PARD3B: variants seen among roughly 807,000 people sequenced by gnomAD.
The protein encoded by PARD3B is par-3 family cell polarity regulator beta.
A neutral mutation model predicts 130.2 loss-of-function variants in PARD3B; 103 were observed. The observed-to-expected ratio is 0.79, with a 90% CI of 0.67 to 0.93. The LOEUF (loss-of-function observed/expected upper bound fraction) is 0.93. Among genes scored for constraint, PARD3B ranks in the 40% least tolerant of loss-of-function variants. The pLI is 0.00. For missense variants in PARD3B, 1,609 were observed against 1,499.2 expected (o/e 1.07, Z -1.21); for synonymous variants, 583 against 553.2 (o/e 1.05, Z -0.76).
At chr2:204,859,073 CATG>C (rs2045076528) in intron 2 of PARD3B, among the ~76,000 whole-genome samples, 1 of 151,832 alleles carries the variant, frequency 6.6e-6, no homozygotes, top group African/African-American at 2.4e-5. Context: ...AATACTTTTA[CATG>C]ATGTTTATTA....
At chr2:205,171,896 A>G (rs1223118168) in intron 11 of PARD3B, among the ~76,000 whole-genome samples, 2 of 152,224 alleles carry the variant, frequency 1.3e-5, no homozygotes, top group Admixed American at 6.5e-5. Flanking sequence ...CCGCCAGAGC[A>G]AATGGCAGAA....
intron 3 of PARD3B, among the ~76,000 whole-genome samples, chr2:205,009,260 A>G (rs1009529787): frequency 1.3e-5 from 2 of 152,218 alleles, no homozygotes; most frequent in African/African-American, 4.8e-5. Flanking sequence ...TTTGTGAAAA[A>G]TTCCAAGATA....
At chr2:205,119,163 G>A (rs1475643382) in intron 7 of PARD3B, 117 bp downstream of exon 7, 21 of 1,306,088 alleles carry the variant, frequency 1.6e-5, no homozygotes, top group Middle Eastern at 2.5e-4. Flanking sequence ...CCCTTTGAAC[G>A]ATCCAGGATA....
chr2:205,332,964 CTATTTTA>C (rs1362785674), intron 18 of PARD3B, among the ~76,000 whole-genome samples: 2 of 152,092 alleles, frequency 1.3e-5, no homozygotes, highest in African/African-American at 2.4e-5. Flanking sequence ...AGCAGTTTTT[CTATTTTA>C]TTTTTATTTA....
intron 22 of PARD3B, among the ~76,000 whole-genome samples, chr2:205,587,797 T>A (rs534425170): frequency 6.6e-6 from 1 of 152,346 alleles, no homozygotes; most frequent in African/African-American, 2.4e-5. Context: ...GTGAGCTATT[T>A]CGTTTCCTCC....
At position 205,606,322 on chromosome 2, in the gene PARD3B, A is replaced by G. The variant is rs779184618; in HGVS notation, c.3261-9134A>G. 3.9e-5 allele frequency among the ~76,000 whole-genome samples: 6 copies of G among 152,188 alleles called. 1 individual carries two copies. The highest frequency in any genetic ancestry group is 1.3e-4 in the Admixed American group (2 of 15,282). Reference sequence around the variant, plus strand: ...AGCATGGTTTCCCAGATGAAGTAGCACAGTCACTCACTGCCTCCCTTGGCT... The same window carrying G: ...AGCATGGTTTCCCAGATGAAGTAGCGCAGTCACTCACTGCCTCCCTTGGCT... On this transcript the variant is annotated intron_variant, in intron 22 of 22. Transcript: ENST00000406610.
chr2:205,254,991 C>T (rs528170282), intron 16 of PARD3B, among the ~76,000 whole-genome samples: 3 of 152,132 alleles, frequency 2.0e-5, no homozygotes, highest in East Asian at 1.9e-4. Flanking sequence ...ACCAGTTATA[C>T]GAATGCTTCC....
intron 21 of PARD3B, among the ~76,000 whole-genome samples, chr2:205,538,049 C>A (rs1332098437): frequency 6.6e-6 from 1 of 152,080 alleles, no homozygotes; most frequent in Non-Finnish European, 1.5e-5. Flanking sequence ...ATGCTTTATT[C>A]TTTTAATCAT....
chr2:204,820,245 TTA>T (rs1260173414), intron 2 of PARD3B, among the ~76,000 whole-genome samples: 1 of 150,942 alleles, frequency 6.6e-6, no homozygotes, highest in Non-Finnish European at 1.5e-5. Flanking sequence ...CCAATTAATT[TTA>T]TATGTTTTTA....
At chr2:204,992,914 T>G (rs1222496402) in intron 3 of PARD3B, among the ~76,000 whole-genome samples, 1 of 136,904 alleles carries the variant, frequency 7.3e-6, no homozygotes, top group Non-Finnish European at 1.6e-5. Context: ...CCTGTGATTT[T>G]TGTACATTGA....
rs1408171783 is a variant in PARD3B, at chr2:204,545,799, G to T, written c.-201G>T. 3 of 510,392 alleles carry T rather than the reference G, an allele frequency of 5.9e-6. No homozygotes were observed. Among genetic ancestry groups the T allele is most frequent in the East Asian group, 3.7e-5 (1 of 26,974 alleles). 31.6% of individuals were successfully genotyped at this position (510,392 alleles called of 1,614,324 possible). ...TGGGAGGTAACCCCTTTCCGCGGCC[G>T]CCCCTCCCCGATTCCCGCCACCTGC... On this transcript the variant is annotated 5_prime_UTR_variant, in exon 1 of 23. Transcript: ENST00000406610.
chr2:205,286,300 G>A (rs2041393367), intron 16 of PARD3B, among the ~76,000 whole-genome samples: 1 of 152,074 alleles, frequency 6.6e-6, no homozygotes, highest in African/African-American at 2.4e-5. Flanking sequence ...ATAATTACAT[G>A]AGTTAATAGA....
intron 2 of PARD3B, among the ~76,000 whole-genome samples, chr2:204,885,354 C>G (rs1303827690): frequency 6.6e-6 from 1 of 151,986 alleles, no homozygotes; most frequent in East Asian, 1.9e-4. Flanking sequence ...GTTTAAGTTC[C>G]TCGTAGACTC....
At chr2:205,148,242 A>G (rs2033507447) in intron 10 of PARD3B, among the ~76,000 whole-genome samples, 1 of 152,158 alleles carries the variant, frequency 6.6e-6, no homozygotes, top group African/African-American at 2.4e-5. Flanking sequence ...AATCACCAAG[A>G]TTACATCAGC....
At chr2:205,433,966 A>G (rs1389862062) in intron 19 of PARD3B, among the ~76,000 whole-genome samples, 2 of 152,066 alleles carry the variant, frequency 1.3e-5, no homozygotes, top group Non-Finnish European at 2.9e-5. Context: ...GCTACTGAAC[A>G]CTCTTCGTGG....
At chr2:204,814,137 C>A (rs2125529931) in intron 2 of PARD3B, among the ~76,000 whole-genome samples, 1 of 152,022 alleles carries the variant, frequency 6.6e-6, no homozygotes, top group South Asian at 2.1e-4. Flanking sequence ...TTTAGTCTCC[C>A]TGAGAAATCT....
At chr2:204,728,317 G>C (rs1454394899) in intron 2 of PARD3B, among the ~76,000 whole-genome samples, 2 of 152,226 alleles carry the variant, frequency 1.3e-5, no homozygotes, top group East Asian at 3.9e-4. Context: ...TGGTCAAGGA[G>C]AAGGAAATTC....
intron 1 of PARD3B, among the ~76,000 whole-genome samples, chr2:204,582,620 G>T (rs1040645661): frequency 6.6e-6 from 1 of 152,126 alleles, no homozygotes; most frequent in Non-Finnish European, 1.5e-5. Flanking sequence ...AGTCAGGGTT[G>T]GATTAGGGAG....
chr2:205,226,358 G>C (rs1332683679), intron 15 of PARD3B, among the ~76,000 whole-genome samples: 1 of 152,118 alleles, frequency 6.6e-6, no homozygotes, highest in Non-Finnish European at 1.5e-5. Flanking sequence ...TTTTTAATTT[G>C]ATGTGATCCC....
Sources: gnomAD v4.1 joint callset for allele counts (sites outside exome capture counted in the v4.1 genomes callset) on GRCh38, gnomAD v4.1.1 for gene constraint, MANE v1.5 for transcripts, NCBI Gene and HGNC (gene_info 2026-07-23, HGNC 2026-07-21) for gene names.